KCTD16: variants seen among roughly 807,000 people sequenced by gnomAD.
KCTD16 encodes BTB/POZ domain-containing protein KCTD16.
A neutral mutation model predicts 33.2 loss-of-function variants in KCTD16; 13 were observed. The ratio of observed to expected loss-of-function variants is 0.39; its 90% CI spans 0.25 to 0.62. The LOEUF (loss-of-function observed/expected upper bound fraction) is 0.62, where lower values mean the gene tolerates loss of function less well. KCTD16 is among the 20% of genes least tolerant of loss of function. The pLI is 0.50. For synonymous variants in KCTD16, 197 were observed against 195.3 expected, an observed-to-expected ratio of 1.01 and a Z score of -0.07; for missense variants, 441 against 525.1, an observed-to-expected ratio of 0.84 and a Z score of 1.57.
At position 144,482,404 on chromosome 5, in the gene KCTD16, C is replaced by T. The variant is rs1206463757; in HGVS notation, c.*8290C>T. The T allele has an allele frequency of 6.6e-6, 1 of 151,928 alleles. No individual in the cohort carries two copies. Among genetic ancestry groups the T allele is most frequent in the Non-Finnish European group, 1.5e-5 (1 of 67,944 alleles). The allele number at this position is 151,928 out of a possible 1,614,324, so 9.4% of individuals were successfully genotyped here. ...TAGCTTCCACGTCTGGAGAAAATGACACCTGCAATTGCTTGCTGTGCTGCA... is the reference window on the plus strand; with the variant it reads ...TAGCTTCCACGTCTGGAGAAAATGATACCTGCAATTGCTTGCTGTGCTGCA... On this transcript the variant is annotated 3_prime_UTR_variant, in exon 4 of 4. Transcript: ENST00000512467.
intron 3 of KCTD16, among the ~76,000 whole-genome samples, chr5:144,308,956 CT>C (rs1261499217): frequency 4.0e-5 from 6 of 151,882 alleles, no homozygotes; most frequent in Admixed American, 3.9e-4. Context: ...TTCATAGCCC[CT>C]TTTTATAGAA....
chr5:144,332,100 A>G (rs1320905642), intron 3 of KCTD16, among the ~76,000 whole-genome samples: 1 of 152,204 alleles, frequency 6.6e-6, no homozygotes, highest in Admixed American at 6.6e-5. Flanking sequence ...ATTCCTATCA[A>G]ACACCTCTAA....
intron 3 of KCTD16, among the ~76,000 whole-genome samples, chr5:144,257,764 G>A (rs993268806): frequency 1.3e-5 from 2 of 152,178 alleles, no homozygotes; most frequent in Non-Finnish European, 2.9e-5. Flanking sequence ...TGGGATTACA[G>A]GCGTGAGCCA....
intron 3 of KCTD16, among the ~76,000 whole-genome samples, chr5:144,222,004 T>C (rs1303543070): frequency 2.0e-5 from 3 of 152,246 alleles, no homozygotes; most frequent in Non-Finnish European, 4.4e-5. Flanking sequence ...GATTTGCATT[T>C]CTCTAATGAC....
Position 144,370,523 on chromosome 5 carries a change from G to A in KCTD16, c.833-103137G>A, listed in dbSNP as rs564481403. On this transcript the variant is annotated intron_variant, in intron 3 of 3. Transcript: ENST00000512467. ...CACAATGTTGGTGCCAGAAGGGACC[G>A]GATCAACTTCATCATTTTACAGATG... 5.7e-4 allele frequency among the ~76,000 whole-genome samples: 87 copies of A among 152,266 alleles called. 1 individual carries two copies. Among genetic ancestry groups the A allele is most frequent in the African/African-American group, 2.0e-3 (85 of 41,548 alleles).
At chr5:144,292,339 T>G (rs748567840) in intron 3 of KCTD16, among the ~76,000 whole-genome samples, 1 of 152,140 alleles carries the variant, frequency 6.6e-6, no homozygotes, top group Non-Finnish European at 1.5e-5. Flanking sequence ...GGTGAAGTCA[T>G]TTTTGTAGTG....
At chr5:144,398,359 A>T (rs1752626064) in intron 3 of KCTD16, among the ~76,000 whole-genome samples, 1 of 152,194 alleles carries the variant, frequency 6.6e-6, no homozygotes, top group Non-Finnish European at 1.5e-5. Flanking sequence ...ATACACACAT[A>T]CTAACATTTT....
intron 3 of KCTD16, among the ~76,000 whole-genome samples, chr5:144,220,406 T>C (rs1753709427): frequency 6.6e-6 from 1 of 152,210 alleles, no homozygotes; most frequent in South Asian, 2.1e-4. Flanking sequence ...GAGCTATATT[T>C]GTCCTACTCT....
intron 3 of KCTD16, among the ~76,000 whole-genome samples, chr5:144,264,523 A>G (rs1010969431): frequency 6.6e-6 from 1 of 152,116 alleles, no homozygotes; most frequent in African/African-American, 2.4e-5. Context: ...AACACTTTGG[A>G]GGGCCAAGGT....
intron 3 of KCTD16, among the ~76,000 whole-genome samples, chr5:144,361,863 C>T (rs934139253): frequency 4.7e-5 from 7 of 150,332 alleles, no homozygotes; most frequent in South Asian, 2.1e-4. Flanking sequence ...AAGAGAGTCA[C>T]GTTTTATATA....
At chr5:144,436,487 T>C (rs1172900693) in intron 3 of KCTD16, among the ~76,000 whole-genome samples, 3 of 152,150 alleles carry the variant, frequency 2.0e-5, no homozygotes, top group African/African-American at 4.8e-5. Flanking sequence ...ACCTAGATTC[T>C]AGTCCAGAAT....
intron 3 of KCTD16, among the ~76,000 whole-genome samples, chr5:144,373,510 T>C (rs1380919288): frequency 2.0e-5 from 3 of 152,188 alleles, no homozygotes; most frequent in Non-Finnish European, 2.9e-5. Context: ...CATCCTGTAA[T>C]CCCACTATCT....
chr5:144,213,744 A>G (rs967494449), intron 3 of KCTD16, among the ~76,000 whole-genome samples: 6 of 152,198 alleles, frequency 3.9e-5, no homozygotes, highest in African/African-American at 1.2e-4. Context: ...TAGCTTTTAC[A>G]TATTTATCAT....
intron 3 of KCTD16, among the ~76,000 whole-genome samples, chr5:144,333,570 C>T (rs942731892): frequency 4.6e-5 from 7 of 152,008 alleles, no homozygotes; most frequent in African/African-American, 1.7e-4. Flanking sequence ...TCCTGCAGCT[C>T]TGTGTGTGTG....
chr5:144,336,823 C>T (rs1295841232), intron 3 of KCTD16, among the ~76,000 whole-genome samples: 2 of 152,088 alleles, frequency 1.3e-5, no homozygotes, highest in Admixed American at 6.6e-5. Flanking sequence ...ATCATACCCA[C>T]ACACAAACCC....
intron 3 of KCTD16, among the ~76,000 whole-genome samples, chr5:144,317,647 AC>A (rs1243618795): frequency 1.3e-5 from 2 of 152,192 alleles, no homozygotes; most frequent in African/African-American, 2.4e-5. Context: ...AGGAATGCAT[AC>A]CCTCACGTTT....
chr5:144,325,255 A>C lies in KCTD16; in HGVS notation c.832+117709A>C, dbSNP rs369082242. Among the ~76,000 whole-genome samples the C allele has an allele frequency of 8.1e-4, 123 of 152,228 alleles. 2 individuals carry two copies. The South Asian group carries it at 0.024, about 30-fold the overall frequency. On this transcript the variant is annotated intron_variant, in intron 3 of 3. Transcript: ENST00000512467. Reference sequence around the variant, plus strand: ...TCACCACCTGCCACTACAATAGTTCAAGCTACCCTTGTCTCTTATCAAGAT... The same window carrying C: ...TCACCACCTGCCACTACAATAGTTCCAGCTACCCTTGTCTCTTATCAAGAT...
chr5:144,422,842 A>G (rs192616482), intron 3 of KCTD16, among the ~76,000 whole-genome samples: 49 of 152,260 alleles, frequency 3.2e-4, no homozygotes, highest in African/African-American at 1.0e-3. Flanking sequence ...ACAAAAATGA[A>G]TATATACCCC....
At chr5:144,402,288 T>C (rs1456717133) in intron 3 of KCTD16, among the ~76,000 whole-genome samples, 2 of 152,196 alleles carry the variant, frequency 1.3e-5, no homozygotes, top group Non-Finnish European at 2.9e-5. Context: ...GGCAGAAAGA[T>C]GTTTTCTTGG....
Sources: allele counts gnomAD v4.1 joint callset (sites outside exome capture counted in the v4.1 genomes callset), GRCh38; gene constraint gnomAD v4.1.1; transcripts MANE v1.5; gene names NCBI Gene and HGNC (gene_info 2026-07-23, HGNC 2026-07-21).